Variants in PDE4B observed in about 807,000 individuals in gnomAD.
PDE4B encodes the protein 3',5'-cyclic-AMP phosphodiesterase 4B.
PDE4B carries 20 observed loss-of-function variants against 82.2 expected under a neutral mutation model. The ratio of observed to expected loss-of-function variants is 0.24; its 90% CI spans 0.17 to 0.35. The LOEUF (loss-of-function observed/expected upper bound fraction) is 0.35. PDE4B is among the 10% of genes least tolerant of loss of function. The pLI, the probability that PDE4B is intolerant of heterozygous loss-of-function variation, is 1.00. For synonymous variants in PDE4B, 320 were observed against 318.9 expected, an observed-to-expected ratio of 1.00 and a Z score of -0.04; for missense variants, 655 against 907.2, an observed-to-expected ratio of 0.72 and a Z score of 3.57.
intron 1 of PDE4B, among the ~76,000 whole-genome samples, chr1:65,825,493 G>A (rs1476557619): frequency 6.6e-6 from 1 of 151,922 alleles, no homozygotes; most frequent in Admixed American, 6.6e-5. Context: ...CATCCTAATC[G>A]ATAGAATCAC....
At chr1:66,332,394 A>AGGAGCAC in intron 7 of PDE4B, 114 bp from the exon 8 acceptor site, 1 of 1,613,904 alleles carries the variant, frequency 6.2e-7, no homozygotes, top group Non-Finnish European at 8.5e-7. Context: ...CAAATAATGA[A>AGGAGCAC]GGAGCACGGG....
intron 3 of PDE4B, among the ~76,000 whole-genome samples, chr1:66,208,393 C>T (rs1434258826): frequency 2.0e-5 from 3 of 152,300 alleles, no homozygotes; most frequent in Non-Finnish European, 4.4e-5. Flanking sequence ...TTACGTAGCA[C>T]ATACTTCTAG....
chr1:66,272,098 C>T (rs1655528141), intron 7 of PDE4B, among the ~76,000 whole-genome samples: 1 of 152,242 alleles, frequency 6.6e-6, no homozygotes, highest in Non-Finnish European at 1.5e-5. Flanking sequence ...AGGAGGCTGT[C>T]CACGTGCCTG....
At position 66,354,928 on chromosome 1, in the gene PDE4B, T is replaced by A. The variant is rs1171845054; in HGVS notation, c.748-599T>A. ...ATTTGATTGTGTTCTGTGTCTTTGATAAAATGTGAAACGTACCTCTGTGTG... is the reference window on the plus strand; with the variant it reads ...ATTTGATTGTGTTCTGTGTCTTTGAAAAAATGTGAAACGTACCTCTGTGTG... On this transcript the variant is annotated intron_variant, in intron 8 of 16. Coordinates refer to ENST00000341517, the MANE Select transcript of PDE4B (RefSeq NM_002600.4). 3 of 1,526,878 alleles carry A rather than the reference T, an allele frequency of 2.0e-6. No individual in the cohort carries two copies. In the African/African-American group the frequency reaches 4.1e-5, roughly 21 times the overall value. 94.6% of individuals were successfully genotyped at this position (1,526,878 alleles called of 1,614,324 possible).
At chr1:65,793,876 A>G (rs897084978) in intron 1 of PDE4B, among the ~76,000 whole-genome samples, 1 of 151,760 alleles carries the variant, frequency 6.6e-6, no homozygotes, top group East Asian at 1.9e-4. Context: ...CTTCATGCCT[A>G]CTCTCTTCTT....
At chr1:66,301,447 G>A (rs1657891465) in intron 7 of PDE4B, among the ~76,000 whole-genome samples, 1 of 152,032 alleles carries the variant, frequency 6.6e-6, no homozygotes, top group Non-Finnish European at 1.5e-5. Flanking sequence ...TTATCTCTAT[G>A]TCACAGAGGA....
intron 7 of PDE4B, among the ~76,000 whole-genome samples, chr1:66,274,782 A>T (rs1655756672): frequency 6.6e-6 from 1 of 152,240 alleles, no homozygotes. Context: ...CTCAGATAGT[A>T]CTCAGCACAT....
At chr1:66,121,190 G>A (rs961343207) in intron 3 of PDE4B, among the ~76,000 whole-genome samples, 5 of 151,828 alleles carry the variant, frequency 3.3e-5, no homozygotes, top group Admixed American at 6.6e-5. Flanking sequence ...TGAAAAGTGC[G>A]AAGACAAATG....
chr1:66,347,195 A>G (rs543958675), intron 8 of PDE4B, among the ~76,000 whole-genome samples: 2 of 152,132 alleles, frequency 1.3e-5, no homozygotes, highest in Non-Finnish European at 2.9e-5. Context: ...TAACAAACCT[A>G]TGCATCTTGA....
At chr1:66,146,833 T>G (rs561180444) in intron 3 of PDE4B, among the ~76,000 whole-genome samples, 1 of 152,208 alleles carries the variant, frequency 6.6e-6, no homozygotes, top group Non-Finnish European at 1.5e-5. Flanking sequence ...AGAGGAAAAT[T>G]AGTGTTCCAT....
chr1:66,152,926 A>G (rs796165164), intron 3 of PDE4B, among the ~76,000 whole-genome samples: 7 of 152,156 alleles, frequency 4.6e-5, no homozygotes, highest in African/African-American at 1.7e-4. Context: ...CCCCACATGC[A>G]TTATTGAGAG....
Position 65,881,634 on chromosome 1 carries a change from C to T in PDE4B, c.-70-31611C>T, listed in dbSNP as rs532975701. Among the ~76,000 whole-genome samples, 14 of 152,268 alleles carry T rather than the reference C, an allele frequency of 9.2e-5. No homozygotes were observed. In the South Asian group the frequency reaches 2.1e-3, roughly 23 times the overall value. ...CTTCTCTTGTCTATAATTGCCAATACGACCCACAATGGGCATAGTTTTGCT... is the reference window on the plus strand; with the variant it reads ...CTTCTCTTGTCTATAATTGCCAATATGACCCACAATGGGCATAGTTTTGCT... On this transcript the variant is annotated intron_variant, in intron 1 of 16. Coordinates refer to ENST00000341517, the MANE Select transcript of PDE4B (RefSeq NM_002600.4).
At chr1:66,353,279 A>G (rs563526269) in intron 8 of PDE4B, among the ~76,000 whole-genome samples, 1 of 152,330 alleles carries the variant, frequency 6.6e-6, no homozygotes, top group East Asian at 1.9e-4. Context: ...CACATACGCA[A>G]GCAGGGTTAC....
At position 65,945,420 on chromosome 1, in the gene PDE4B, A is replaced by G. The variant is rs1340137920; in HGVS notation, c.281+26585A>G. On this transcript the variant is annotated intron_variant, in intron 3 of 16. Coordinates refer to ENST00000341517, the MANE Select transcript of PDE4B (RefSeq NM_002600.4). ...GTTTTTGGATAGTGAACTGGCTGAG[A>G]CACTGTAGGCAGGAAAGGCAAACCC... 3.3e-5 allele frequency among the ~76,000 whole-genome samples: 5 copies of G among 151,964 alleles called. No homozygotes were observed. The East Asian group carries it at 9.7e-4, about 29-fold the overall frequency.
intron 3 of PDE4B, among the ~76,000 whole-genome samples, chr1:66,101,302 G>A (rs1196404385): frequency 1.3e-5 from 2 of 152,156 alleles, no homozygotes; most frequent in Non-Finnish European, 2.9e-5. Context: ...ACATGTGCAT[G>A]TGTCTTTATA....
At chr1:66,030,932 A>G (rs889053339) in intron 3 of PDE4B, among the ~76,000 whole-genome samples, 4 of 152,216 alleles carry the variant, frequency 2.6e-5, no homozygotes, top group Non-Finnish European at 5.9e-5. Flanking sequence ...AAGTAAATAC[A>G]GGAATGATAG....
chr1:65,908,741 C>CAGTTT (rs1647054921), intron 1 of PDE4B, among the ~76,000 whole-genome samples: 1 of 152,000 alleles, frequency 6.6e-6, no homozygotes, highest in African/African-American at 2.4e-5. Flanking sequence ...AGTTACTTCT[C>CAGTTT]CCCAGTGTGA....
At chr1:65,941,645 T>G (rs1314455301) in intron 3 of PDE4B, among the ~76,000 whole-genome samples, 3 of 151,984 alleles carry the variant, frequency 2.0e-5, no homozygotes, top group Non-Finnish European at 2.9e-5. Flanking sequence ...AGAAAAAAAC[T>G]TTCTGGAACC....
chr1:65,844,687 A>G (rs1040795081), intron 1 of PDE4B, among the ~76,000 whole-genome samples: 4 of 152,190 alleles, frequency 2.6e-5, no homozygotes, highest in African/African-American at 9.7e-5. Flanking sequence ...TTTAATATGT[A>G]GTTTATTCTC....
Sources: gnomAD v4.1 joint callset for allele counts (sites outside exome capture counted in the v4.1 genomes callset) on GRCh38, gnomAD v4.1.1 for gene constraint, MANE v1.5 for transcripts, NCBI Gene and HGNC (gene_info 2026-07-23, HGNC 2026-07-21) for gene names.